The following TENT2 variants were observed in gnomAD, a reference collection of about 807,000 sequenced individuals.
TENT2 encodes terminal nucleotidyltransferase 2, also known as poly(A) RNA polymerase GLD2.
A neutral mutation model predicts 72.2 loss-of-function variants in TENT2; 44 were observed. The ratio of observed to expected loss-of-function variants is 0.61; its 90% CI spans 0.48 to 0.78. The LOEUF (loss-of-function observed/expected upper bound fraction) is 0.78. Ranked by LOEUF, TENT2 falls within the 30% of genes least tolerant of loss-of-function variation. The pLI, the probability that TENT2 is intolerant of heterozygous loss-of-function variation, is 0.00. For missense variants in TENT2, 541 were observed against 569.6 expected, an observed-to-expected ratio of 0.95 and a Z score of 0.51; for synonymous variants, 212 against 192.5, an observed-to-expected ratio of 1.10 and a Z score of -0.84.
intron 11 of TENT2, among the ~76,000 whole-genome samples, chr5:79,668,372 CAAAA>C (rs932354360): frequency 2.7e-4 from 41 of 151,882 alleles, no homozygotes; most frequent in African/African-American, 8.7e-4. Context: ...GATACAGAAA[CAAAA>C]GAAAGCAAAA....
intron 1 of TENT2, chr5:79,617,584 A>G (rs1365693608): frequency 6.6e-6 from 1 of 152,190 alleles, no homozygotes; most frequent in Non-Finnish European, 1.5e-5. Flanking sequence ...TTAGCTTCCC[A>G]TCACTGTCAT....
chr5:79,681,809 A>G (rs1315518707), intron 13 of TENT2, 173 bp from the exon 14 acceptor site: 3 of 538,114 alleles, frequency 5.6e-6, no homozygotes, highest in East Asian at 3.1e-5. Flanking sequence ...AGTTCATAGT[A>G]TATCAAGCTT....
Position 79,640,939 on chromosome 5 carries a change from A to G in TENT2, c.554A>G (p.Gln185Arg). 1 of 1,610,528 alleles carries G rather than the reference A, an allele frequency of 6.2e-7. No homozygotes were observed. The highest frequency in any genetic ancestry group is 8.5e-7 in the Non-Finnish European group (1 of 1,178,644). The change falls in exon 5 of 15, where the codon CAG becomes CGG. Residue 185 changes from glutamine to arginine, a missense_variant. Physicochemically the swap from Gln to Arg is conservative, Grantham distance 43 (BLOSUM62 1). Coordinates refer to ENST00000453514, the MANE Select transcript of TENT2 (RefSeq NM_001114394.3). ...KKKELCRTQL[Q>R]REIQLLFPQS... is the part of the protein sequence containing the mutation. ...AAAGAACTCTGTCGAACACAGCTGC[A>G]GAGAGAAATTCAGCTGTTATTTCCA...
intron 8 of TENT2, among the ~76,000 whole-genome samples, chr5:79,647,348 C>T (rs1156880171): frequency 6.6e-6 from 1 of 152,082 alleles, no homozygotes; most frequent in Non-Finnish European, 1.5e-5. Context: ...TTTTAAAGCC[C>T]TGAATTCAAT....
rs372957098 is a variant in TENT2, at chr5:79,616,517, C to T, written c.-37-3095C>T. Among the ~76,000 whole-genome samples, 12 of 152,030 alleles carry T rather than the reference C, an allele frequency of 7.9e-5. No individual in the cohort carries two copies. In the East Asian group the frequency reaches 1.5e-3, roughly 20 times the overall value. On this transcript the variant is annotated intron_variant, in intron 1 of 14. Transcript: ENST00000453514. Reference sequence around the variant, plus strand: ...ATTTGTTGTAGAGATGGGGTTTTACCGTGTTGCCCAGGCTGGTCTTTAACT... The same window carrying T: ...ATTTGTTGTAGAGATGGGGTTTTACTGTGTTGCCCAGGCTGGTCTTTAACT...
chr5:79,626,453 G>A (rs1204463596), intron 4 of TENT2, among the ~76,000 whole-genome samples: 16 of 151,236 alleles, frequency 1.1e-4, no homozygotes, highest in Admixed American at 6.6e-4. Flanking sequence ...GACTACAGGC[G>A]CCTGCCACCA....
intron 11 of TENT2, among the ~76,000 whole-genome samples, chr5:79,659,087 C>T (rs1294010415): frequency 2.6e-5 from 4 of 151,984 alleles, no homozygotes; most frequent in African/African-American, 9.7e-5. Flanking sequence ...AATTAATTTA[C>T]CTTTACTATA....
At chr5:79,652,919 G>T (rs1241225496) in intron 10 of TENT2, among the ~76,000 whole-genome samples, 1 of 151,342 alleles carries the variant, frequency 6.6e-6, no homozygotes, top group Non-Finnish European at 1.5e-5. Flanking sequence ...TCTCTTGTGG[G>T]TTACAGTTTA....
At position 79,626,762 on chromosome 5, in the gene TENT2, A is replaced by G. The variant is rs141781747; in HGVS notation, c.465+3273A>G. ...CAGGTATGAGCCACTGCACCTAGCTATTTTTACTCATTTTAAAGACTATCG... is the reference window on the plus strand; with the variant it reads ...CAGGTATGAGCCACTGCACCTAGCTGTTTTTACTCATTTTAAAGACTATCG... On this transcript the variant is annotated intron_variant, in intron 4 of 14. Transcript: ENST00000453514. Among the ~76,000 whole-genome samples, 664 of 147,930 alleles carry G rather than the reference A, an allele frequency of 4.5e-3. 6 individuals are homozygous for G. Among genetic ancestry groups the G allele is most frequent in the African/African-American group, 0.015 (588 of 38,658 alleles).
intron 10 of TENT2, among the ~76,000 whole-genome samples, chr5:79,649,413 T>C (rs1355328095): frequency 2.0e-5 from 3 of 152,084 alleles, no homozygotes; most frequent in Non-Finnish European, 2.9e-5. Context: ...TTGGAAGTTT[T>C]TCTATAGTCA....
intron 11 of TENT2, among the ~76,000 whole-genome samples, chr5:79,661,762 G>A (rs541118416): frequency 2.0e-4 from 30 of 152,272 alleles, no homozygotes; most frequent in African/African-American, 6.7e-4. Flanking sequence ...AGGTTGGGGT[G>A]GCTGTGGCAG....
intron 4 of TENT2, among the ~76,000 whole-genome samples, chr5:79,627,578 C>T (rs1182467320): frequency 1.3e-5 from 2 of 152,144 alleles, no homozygotes; most frequent in Admixed American, 6.5e-5. Context: ...CTCCATCTCC[C>T]GGGTTCAAGC....
At chr5:79,628,153 G>T (rs895592072) in intron 4 of TENT2, among the ~76,000 whole-genome samples, 2 of 152,154 alleles carry the variant, frequency 1.3e-5, no homozygotes, top group African/African-American at 2.4e-5. Flanking sequence ...CTGTGACAGT[G>T]GTAGCTAATG....
chr5:79,657,759 ATTTAAGCTACTTG>A (rs1297431957), intron 11 of TENT2, among the ~76,000 whole-genome samples: 6 of 152,140 alleles, frequency 3.9e-5, no homozygotes, highest in Non-Finnish European at 7.4e-5. Flanking sequence ...TGGAAATAAT[ATTTAAGCTACTTG>A]TTTAGAATGT....
intron 11 of TENT2, among the ~76,000 whole-genome samples, chr5:79,659,553 A>AAGTAT (rs1554086793): frequency 3.7e-5 from 1 of 26,858 alleles, no homozygotes. Flanking sequence ...AAAAAAAAAA[A>AAGTAT]ATGTATATAT....
At chr5:79,668,749 A>G in intron 11 of TENT2, 143 bp from the exon 12 acceptor site, 1 of 887,804 alleles carries the variant, frequency 1.1e-6, no homozygotes, top group Non-Finnish European at 1.7e-6. Flanking sequence ...CTTTAGTGGA[A>G]GAAAAATTTC....
intron 4 of TENT2, among the ~76,000 whole-genome samples, chr5:79,631,166 A>G (rs1250061222): frequency 2.0e-5 from 3 of 152,126 alleles, no homozygotes. Context: ...ACCAATCCCC[A>G]GTTGTGACAG....
At chr5:79,668,028 C>T (rs1195468896) in intron 11 of TENT2, among the ~76,000 whole-genome samples, 1 of 151,108 alleles carries the variant, frequency 6.6e-6, no homozygotes, top group East Asian at 1.9e-4. Flanking sequence ...TGCAAATTAC[C>T]TTGCATTATT....
chr5:79,648,552 T>C (rs1327347247), intron 8 of TENT2, 65 bp from the exon 9 acceptor site: 5 of 1,120,464 alleles, frequency 4.5e-6, no homozygotes, highest in Non-Finnish European at 6.4e-6. Context: ...AATTTAGTTA[T>C]TAGGAAGGAA....
Sources: allele counts gnomAD v4.1 joint callset (sites outside exome capture counted in the v4.1 genomes callset), GRCh38; gene constraint gnomAD v4.1.1; transcripts MANE v1.5; gene names NCBI Gene and HGNC (gene_info 2026-07-23, HGNC 2026-07-21).